Variants in SECISBP2L observed in about 807,000 individuals in gnomAD.
SECISBP2L encodes selenocysteine insertion sequence-binding protein 2-like.
A neutral mutation model predicts 114.7 loss-of-function variants in SECISBP2L; 43 were observed. The ratio of observed to expected loss-of-function variants is 0.38; its 90% CI spans 0.29 to 0.48. The LOEUF (loss-of-function observed/expected upper bound fraction) is 0.48, where lower values mean the gene tolerates loss of function less well. Ranked by LOEUF, SECISBP2L falls within the 20% of genes least tolerant of loss-of-function variation. SECISBP2L has a pLI of 0.98. For missense variants in SECISBP2L, 1,136 were observed against 1,301.1 expected (o/e 0.87, Z 1.95); for synonymous variants, 451 against 439.7 (o/e 1.03, Z -0.32).
rs1223897029 is a variant in SECISBP2L at position 48,991,992 on chromosome 15, CTTT to C, written c.*249_*251del. ...TTTATTTTCTTTAAGATCTGGTCTT[CTTT>C]TTATCACTGTTTTTGATTACAAAAT... On this transcript the variant is annotated 3_prime_UTR_variant, in exon 18 of 18. Transcript: ENST00000559471. The C allele has an allele frequency of 5.5e-6, 2 of 366,338 alleles. No individual in the cohort carries two copies. Among genetic ancestry groups the C allele is most frequent in the Non-Finnish European group, 9.8e-6 (2 of 204,720 alleles). 22.7% of individuals were successfully genotyped at this position (366,338 alleles called of 1,614,324 possible). A position where few individuals can be genotyped will look rare whatever the true frequency, so the allele number is the denominator to read the frequency against.
At chr15:49,031,060 TC>T (rs57856063) in intron 4 of SECISBP2L, among the ~76,000 whole-genome samples, 12,582 of 104,654 alleles carry the variant, frequency 0.12, 1,518 homozygotes, top group African/African-American at 0.28. Context: ...TTTTTTTTTT[TC>T]CCTTTTGAGA....
At chr15:49,008,616 T>C (rs955212645) in intron 14 of SECISBP2L, among the ~76,000 whole-genome samples, 3 of 152,240 alleles carry the variant, frequency 2.0e-5, no homozygotes, top group Non-Finnish European at 4.4e-5. Context: ...ACATAGATTA[T>C]ACTTTCACCC....
intron 13 of SECISBP2L, among the ~76,000 whole-genome samples, chr15:49,010,154 C>CACACACACACACACACACACACA (rs3220511): frequency 1.2e-4 from 18 of 150,064 alleles, no homozygotes; most frequent in African/African-American, 2.5e-4. Context: ...CACACACACA[C>CACACACACACACACACACACACA]CCCTCTTGCC....
chr15:48,997,720 T>C (rs1208791948), intron 16 of SECISBP2L, among the ~76,000 whole-genome samples: 2 of 151,952 alleles, frequency 1.3e-5, no homozygotes, highest in Non-Finnish European at 1.5e-5. Flanking sequence ...AAATACAAAA[T>C]TAGCTGGGCG....
Position 49,027,249 on chromosome 15 carries a change from A to G in SECISBP2L, c.1035+116T>C, listed in dbSNP as rs569232332. The G allele has an allele frequency of 1.6e-5, 10 of 631,256 alleles. No individual in the cohort carries two copies. The East Asian group carries it at 2.2e-4, about 14-fold the overall frequency. The allele number at this position is 631,256 out of a possible 1,614,324, so 39.1% of individuals were successfully genotyped here. A position where few individuals can be genotyped will look rare whatever the true frequency, so the allele number is the denominator to read the frequency against. The stretch of plus-strand genomic sequence containing the variant: ...TAGCTAAGCCATTTTAAAGTTACAC[A>G]TGATAGTTCACTTCCAAATCACTCC... On this transcript the variant is annotated intron_variant, in intron 7 of 17. Transcript: ENST00000559471.
At chr15:49,021,667 A>G (rs968343866) in intron 7 of SECISBP2L, among the ~76,000 whole-genome samples, 1 of 152,214 alleles carries the variant, frequency 6.6e-6, no homozygotes, top group Non-Finnish European at 1.5e-5. Flanking sequence ...GAATTAGTAT[A>G]TATGTATTAA....
chr15:48,996,005 A>T (rs1298970238), intron 17 of SECISBP2L: 1 of 205,772 alleles, frequency 4.9e-6, no homozygotes, highest in Non-Finnish European at 9.9e-6. Flanking sequence ...TAGATAACTC[A>T]CTACCTTCAG....
chr15:49,037,272 CAAAAAAAAAAAAAA>C (rs147547008), intron 2 of SECISBP2L: 44 of 75,986 alleles, frequency 5.8e-4, no homozygotes, highest in Admixed American at 8.0e-4. Context: ...TGTTCAATCT[CAAAAAAAAAAAAAA>C]AAAAAAAAAA....
At chr15:49,023,127 A>G (rs1023218073) in intron 7 of SECISBP2L, among the ~76,000 whole-genome samples, 3 of 152,226 alleles carry the variant, frequency 2.0e-5, no homozygotes, top group African/African-American at 7.2e-5. Context: ...AATAATGAGC[A>G]AAGTAAAAAA....
Position 49,016,692 on chromosome 15 carries a change from A to T in SECISBP2L, c.1429T>A (p.Ser477Thr), listed in dbSNP as rs776396766. The change falls in exon 11 of 18, where the codon TCA becomes ACA. Residue 477 changes from serine (S) to threonine (T), a missense_variant. This residue lies in a region of SECISBP2L where 684 missense variants were observed against 848.7 expected (regional missense o/e 0.81). Transcript: ENST00000559471. ...MEQKKLQEAL[S>T]KAAGKKNKTP... is the part of the protein sequence containing the mutation. The stretch of plus-strand genomic sequence containing the variant: ...TTATTCTTTTTTCCAGCTGCTTTTG[A>T]TAAAGCTTCCTACAAAATAAATATA... 3.8e-6 allele frequency: 6 copies of T among 1,578,990 alleles called. No homozygotes were observed. The East Asian group carries it at 1.4e-4, about 36-fold the overall frequency.
intron 16 of SECISBP2L, among the ~76,000 whole-genome samples, chr15:48,999,581 C>T (rs997507565): frequency 2.0e-5 from 3 of 152,036 alleles, no homozygotes; most frequent in African/African-American, 7.2e-5. Context: ...GCAGTTGAGC[C>T]TGGAAGAAAA....
At chr15:49,023,883 A>G (rs1902689358) in intron 7 of SECISBP2L, among the ~76,000 whole-genome samples, 1 of 152,220 alleles carries the variant, frequency 6.6e-6, no homozygotes, top group Non-Finnish European at 1.5e-5. Flanking sequence ...GAAATTACTC[A>G]AAGTGGGAGA....
At chr15:49,018,516 T>C (rs7166261) in intron 8 of SECISBP2L, among the ~76,000 whole-genome samples, 103,885 of 151,916 alleles carry the variant, frequency 0.68, 36,013 homozygotes, top group Middle Eastern at 0.75. Flanking sequence ...TCAGGTGATC[T>C]GCTTGGCCTC....
rs751570179 is a variant in SECISBP2L, at chr15:49,046,310, G to A, written c.-11C>T. Reference sequence around the variant, plus strand: ...GGGGGCTCGGTCCATGGTGCCTGCAGCCGCAACGGGCCCGCGCTAGTCGGT... The same window carrying A: ...GGGGGCTCGGTCCATGGTGCCTGCAACCGCAACGGGCCCGCGCTAGTCGGT... On this transcript the variant is annotated 5_prime_UTR_variant, in exon 1 of 18. Transcript: ENST00000559471. The A allele has an allele frequency of 1.9e-6, 3 of 1,544,840 alleles. No homozygotes were observed. Among genetic ancestry groups the A allele is most frequent in the South Asian group, 1.2e-5 (1 of 83,808 alleles).
intron 14 of SECISBP2L, among the ~76,000 whole-genome samples, chr15:49,006,535 G>A (rs757569121): frequency 1.3e-5 from 2 of 151,826 alleles, no homozygotes; most frequent in South Asian, 2.1e-4. Context: ...CCGCTTGATC[G>A]ATTCAGCTGT....
chr15:49,027,260 C>T, intron 7 of SECISBP2L, 105 bp downstream of exon 7: 1 of 711,720 alleles, frequency 1.4e-6, no homozygotes, highest in Non-Finnish European at 2.3e-6. Flanking sequence ...TGATAGTTCA[C>T]TTCCAAATCA....
At position 48,999,811 on chromosome 15, in the gene SECISBP2L, T is replaced by C. The variant is rs953151458; in HGVS notation, c.2403+22A>G. The C allele has an allele frequency of 4.3e-6, 7 of 1,610,336 alleles. No homozygotes were observed. In the Admixed American group the frequency reaches 1.0e-4, roughly 23 times the overall value. ...TGGGGGATGTGCTGGAGAGCAAGAG[T>C]GTGTGTCTTCTAAATTCTTACCTCA... On this transcript the variant is annotated intron_variant, in intron 16 of 17. Transcript: ENST00000559471.
chr15:48,996,738 A>G (rs1274370493), intron 16 of SECISBP2L, 152 bp from the exon 17 acceptor site: 1 of 649,684 alleles, frequency 1.5e-6, no homozygotes, highest in African/African-American at 1.8e-5. Flanking sequence ...AACCTTATGA[A>G]ATTACTCTGT....
chr15:49,042,556 G>C (rs1482850667), intron 1 of SECISBP2L: 3 of 152,254 alleles, frequency 2.0e-5, no homozygotes, highest in Non-Finnish European at 2.9e-5. Context: ...GCACACTACA[G>C]TCCAGAACAC....
Sources: gnomAD v4.1 joint callset for allele counts (sites outside exome capture counted in the v4.1 genomes callset) on GRCh38, gnomAD v4.1.1 for gene constraint, gnomAD v4.1.1 regional missense constraint, MANE v1.5 for transcripts, NCBI Gene and HGNC (gene_info 2026-07-23, HGNC 2026-07-21) for gene names.